Variants in C3orf20 observed in about 807,000 individuals in gnomAD.
C3orf20 encodes uncharacterized protein C3orf20.
Under a neutral mutation model 88.3 loss-of-function variants are expected in C3orf20, and 76 were observed. The ratio of observed to expected loss-of-function variants is 0.86; its 90% CI spans 0.72 to 1.04. C3orf20 has a LOEUF of 1.04. C3orf20 is among the 50% of genes least tolerant of loss of function. The pLI is 0.00. For synonymous variants in C3orf20, 436 were observed against 437.4 expected (o/e 1.00, Z 0.04); for missense variants, 1,056 against 1,123.3 (o/e 0.94, Z 0.86).
intron 5 of C3orf20, among the ~76,000 whole-genome samples, chr3:14,702,139 T>G (rs2033291981): frequency 6.6e-6 from 1 of 152,136 alleles, no homozygotes. Flanking sequence ...TCGACATAGC[T>G]GAGGAGGCCC....
At chr3:14,686,439 C>G (rs1218804069) in intron 4 of C3orf20, among the ~76,000 whole-genome samples, 2 of 152,194 alleles carry the variant, frequency 1.3e-5, no homozygotes, top group African/African-American at 2.4e-5. Context: ...GCACCAATCT[C>G]CATTCCCACC....
chr3:14,739,776 C>T (rs1004896001), intron 12 of C3orf20, among the ~76,000 whole-genome samples: 15 of 152,230 alleles, frequency 9.9e-5, no homozygotes, highest in Non-Finnish European at 2.1e-4. Context: ...TCTTAATCAG[C>T]ACTTGCTGCT....
intron 14 of C3orf20, among the ~76,000 whole-genome samples, chr3:14,760,199 C>T (rs527534707): frequency 3.9e-5 from 6 of 152,328 alleles, no homozygotes; most frequent in East Asian, 3.9e-4. Context: ...GGGGCTGAAG[C>T]CCAGGACCCT....
chr3:14,702,154 A>G (rs1471684613), intron 5 of C3orf20, among the ~76,000 whole-genome samples: 1 of 152,196 alleles, frequency 6.6e-6, no homozygotes, highest in Admixed American at 6.5e-5. Flanking sequence ...AGGCCCCAGA[A>G]TCATGGCAGG....
chr3:14,711,432 A>G (rs750641471), intron 7 of C3orf20, among the ~76,000 whole-genome samples: 2 of 152,118 alleles, frequency 1.3e-5, no homozygotes, highest in Non-Finnish European at 2.9e-5. Context: ...TGTCACTTGT[A>G]AAAATGTTTA....
chr3:14,679,702 T>C (rs1006565451), intron 1 of C3orf20, among the ~76,000 whole-genome samples: 2 of 152,218 alleles, frequency 1.3e-5, no homozygotes, highest in African/African-American at 4.8e-5. Context: ...AACAGATTTC[T>C]CAGGGTCCTT....
chr3:14,752,752 G>C (rs1006037342), intron 12 of C3orf20, among the ~76,000 whole-genome samples: 2 of 152,190 alleles, frequency 1.3e-5, no homozygotes, highest in African/African-American at 4.8e-5. Flanking sequence ...CATCATCACT[G>C]GTCATCAGAG....
intron 4 of C3orf20, among the ~76,000 whole-genome samples, chr3:14,687,046 C>G (rs1014081765): frequency 2.0e-5 from 3 of 152,168 alleles, no homozygotes; most frequent in African/African-American, 7.2e-5. Flanking sequence ...ATGCCTGATG[C>G]GGGGGAGCAG....
chr3:14,766,344 C>G (rs550122591), intron 15 of C3orf20, among the ~76,000 whole-genome samples: 1 of 152,316 alleles, frequency 6.6e-6, no homozygotes, highest in East Asian at 1.9e-4. Context: ...TCCTCACTCC[C>G]GAAAGCTTCC....
chr3:14,725,901 G>T (rs2034329139), intron 10 of C3orf20, among the ~76,000 whole-genome samples: 1 of 152,054 alleles, frequency 6.6e-6, no homozygotes, highest in African/African-American at 2.4e-5. Context: ...AGGACCCAGG[G>T]CAGAAAGGAC....
At chr3:14,691,945 G>A (rs1330137001) in intron 5 of C3orf20, among the ~76,000 whole-genome samples, 1 of 152,038 alleles carries the variant, frequency 6.6e-6, no homozygotes, top group Non-Finnish European at 1.5e-5. Flanking sequence ...CCATCTCCAT[G>A]AGTTTAATTG....
intron 4 of C3orf20, among the ~76,000 whole-genome samples, chr3:14,685,347 T>A (rs1336602829): frequency 6.6e-6 from 1 of 152,102 alleles, no homozygotes; most frequent in Non-Finnish European, 1.5e-5. Context: ...GAGGAAGTGA[T>A]CTCTGGGGAG....
intron 9 of C3orf20, among the ~76,000 whole-genome samples, chr3:14,718,427 A>G (rs2124968315): frequency 6.6e-6 from 1 of 152,270 alleles, no homozygotes; most frequent in South Asian, 2.1e-4. Flanking sequence ...CTGAGATTCC[A>G]TATTTTATAA....
intron 7 of C3orf20, among the ~76,000 whole-genome samples, chr3:14,709,027 CA>C (rs1305942501): frequency 6.6e-6 from 1 of 152,056 alleles, no homozygotes; most frequent in African/African-American, 2.4e-5. Context: ...AAGCAATGAA[CA>C]AAAGGAAATT....
chr3:14,772,314 C>T lies in C3orf20; in HGVS notation c.2630+113C>T. The T allele has an allele frequency of 7.6e-7, 1 of 1,308,830 alleles. No individual in the cohort carries two copies. The highest frequency in any genetic ancestry group is 2.4e-5 in the East Asian group (1 of 42,416). The allele number at this position is 1,308,830 out of a possible 1,614,324, so 81.1% of individuals were successfully genotyped here. On this transcript the variant is annotated intron_variant, in intron 16 of 16. Coordinates refer to ENST00000253697, the MANE Select transcript of C3orf20 (RefSeq NM_032137.5). The surrounding 1 kb of genome is among the most constrained non-coding windows in gnomAD (Gnocchi z 4.2). Reference sequence around the variant, plus strand: ...AGGCGTGGCCTGGGTCATGTCCAACCATCGCTGACATCTAGCCCATGTAAT... The same window carrying T: ...AGGCGTGGCCTGGGTCATGTCCAACTATCGCTGACATCTAGCCCATGTAAT...
Position 14,703,116 on chromosome 3 carries a change from C to T in C3orf20, c.746-14C>T, listed in dbSNP as rs763396098. On this transcript the variant is annotated splice_polypyrimidine_tract_variant and intron_variant, in intron 5 of 16. Transcript: ENST00000253697. ...TCTTGGGCATCTCTCTAACTTCTTG[C>T]CCTCCAACTACAGGCAAATCTAGAA... 7.4e-6 allele frequency: 12 copies of T among 1,613,878 alleles called. No homozygotes were observed. In the South Asian group the frequency reaches 1.3e-4, roughly 18 times the overall value.
intron 8 of C3orf20, 48 bp from the exon 9 acceptor site, chr3:14,715,241 T>G (rs1199849656): frequency 1.9e-6 from 3 of 1,593,990 alleles, no homozygotes; most frequent in Non-Finnish European, 2.6e-6. Flanking sequence ...TGATGAGAGC[T>G]TCCTTCAGGG....
chr3:14,764,220 A>G (rs28406231), intron 15 of C3orf20, among the ~76,000 whole-genome samples: 1 of 146,774 alleles, frequency 6.8e-6, no homozygotes, highest in South Asian at 2.1e-4. Context: ...ATAGAAACAT[A>G]CACACATACA....
chr3:14,715,697 T>C (rs1001299542), intron 9 of C3orf20, among the ~76,000 whole-genome samples: 1 of 152,240 alleles, frequency 6.6e-6, no homozygotes, highest in Non-Finnish European at 1.5e-5. Flanking sequence ...ATTCTGTTTT[T>C]ACTGTTAAAA....
Sources: gnomAD v4.1 joint callset for allele counts (sites outside exome capture counted in the v4.1 genomes callset) on GRCh38, gnomAD v4.1.1 for gene constraint, Gnocchi (gnomAD v3.1) non-coding constraint, MANE v1.5 for transcripts, NCBI Gene and HGNC (gene_info 2026-07-23, HGNC 2026-07-21) for gene names.